The following DDX25 variants were observed in gnomAD, a reference collection of about 807,000 sequenced individuals.
DDX25 encodes the protein ATP-dependent RNA helicase DDX25.
A neutral mutation model predicts 64.6 loss-of-function variants in DDX25; 70 were observed. The observed-to-expected ratio is 1.08, with a 90% CI of 0.89 to 1.32. The LOEUF is 1.32. Among genes scored for constraint, DDX25 ranks in the 40% most tolerant of loss-of-function variants. The pLI is 0.00. For synonymous variants in DDX25, 211 were observed against 213.3 expected (o/e 0.99, Z 0.09); for missense variants, 587 against 604.4 (o/e 0.97, Z 0.30).
intron 9 of DDX25, among the ~76,000 whole-genome samples, chr11:125,918,313 G>A (rs1164962331): frequency 6.6e-6 from 1 of 152,232 alleles, no homozygotes; most frequent in African/African-American, 2.4e-5. Flanking sequence ...CTCTTAGAGT[G>A]TCTGTTGTTG....
At chr11:125,907,370 A>G (rs536560601) in intron 4 of DDX25, among the ~76,000 whole-genome samples, 9 of 152,108 alleles carry the variant, frequency 5.9e-5, no homozygotes, top group East Asian at 1.9e-4. Context: ...GCACTTTGGG[A>G]GGCCAAGGGG....
intron 4 of DDX25, among the ~76,000 whole-genome samples, chr11:125,907,584 G>A (rs975654150): frequency 6.6e-6 from 1 of 151,868 alleles, no homozygotes; most frequent in Non-Finnish European, 1.5e-5. Flanking sequence ...CTCCAGCCTG[G>A]GCGACAGAGC....
At chr11:125,907,371 G>A (rs1380328952) in intron 4 of DDX25, among the ~76,000 whole-genome samples, 2 of 152,172 alleles carry the variant, frequency 1.3e-5, no homozygotes, top group Non-Finnish European at 2.9e-5. Flanking sequence ...CACTTTGGGA[G>A]GCCAAGGGGG....
At chr11:125,916,252 A>G (rs934635786) in intron 8 of DDX25, among the ~76,000 whole-genome samples, 5 of 152,238 alleles carry the variant, frequency 3.3e-5, no homozygotes, top group Non-Finnish European at 7.3e-5. Context: ...TATGAAATAT[A>G]TACAGAGAAA....
chr11:125,919,263 G>A (rs964886917), intron 10 of DDX25, among the ~76,000 whole-genome samples: 9 of 152,178 alleles, frequency 5.9e-5, no homozygotes, highest in South Asian at 2.1e-4. Flanking sequence ...TCATGTGCAG[G>A]TCTGTATTTA....
intron 11 of DDX25, 41 bp from the exon 12 acceptor site, chr11:125,922,779 C>A: frequency 6.5e-7 from 1 of 1,546,160 alleles, no homozygotes; most frequent in Non-Finnish European, 8.8e-7. Flanking sequence ...TCCATTTAGA[C>A]CCTGACATGA....
chr11:125,914,906 C>G (rs917601082), intron 8 of DDX25, among the ~76,000 whole-genome samples: 7 of 152,118 alleles, frequency 4.6e-5, no homozygotes, highest in African/African-American at 1.4e-4. Context: ...CCACACCCAG[C>G]TAATTTTTGT....
At chr11:125,908,836 T>C (rs1369354794) in intron 6 of DDX25, among the ~76,000 whole-genome samples, 4 of 152,200 alleles carry the variant, frequency 2.6e-5, no homozygotes, top group African/African-American at 9.7e-5. Context: ...TAAATCCTAA[T>C]ACCTAGCACA....
chr11:125,906,440 C>G (rs182329235), intron 4 of DDX25, among the ~76,000 whole-genome samples: 1 of 151,888 alleles, frequency 6.6e-6, no homozygotes, highest in Admixed American at 6.6e-5. Context: ...CTCAGCCTCC[C>G]GAGTAGCTGG....
At chr11:125,904,940 T>C (rs1268839534) in intron 1 of DDX25, among the ~76,000 whole-genome samples, 1 of 152,150 alleles carries the variant, frequency 6.6e-6, no homozygotes, top group African/African-American at 2.4e-5. Flanking sequence ...CCTCCCCTTG[T>C]TGGTGCCGTG....
intron 1 of DDX25, chr11:125,904,905 T>C: frequency 1.8e-6 from 1 of 547,466 alleles, no homozygotes. Flanking sequence ...CTTCCATCCA[T>C]TTGCCAGCGC....
chr11:125,906,318 A>AGT lies in DDX25; in HGVS notation c.311+109_311+110insGT, dbSNP rs1555104434. On this transcript the variant is annotated intron_variant, in intron 4 of 11. Transcript: ENST00000263576. ...ATCTCCTCTTTGTTTTCTGATATTC[A>AGT]ATATTTTTTTTTGTTATTTGAGACA... 1.8e-5 allele frequency: 21 copies of AGT among 1,168,866 alleles called. 1 individual carries two copies. The South Asian group carries it at 2.4e-4, about 14-fold the overall frequency. 72.4% of individuals were successfully genotyped at this position (1,168,866 alleles called of 1,614,324 possible).
At chr11:125,914,502 A>C (rs935613076) in intron 8 of DDX25, among the ~76,000 whole-genome samples, 6 of 152,178 alleles carry the variant, frequency 3.9e-5, no homozygotes, top group African/African-American at 1.4e-4. Context: ...CAAATCTGGA[A>C]TTTCTGCACA....
chr11:125,916,518 T>C (rs956137992), intron 8 of DDX25, among the ~76,000 whole-genome samples: 2 of 152,224 alleles, frequency 1.3e-5, no homozygotes, highest in African/African-American at 2.4e-5. Flanking sequence ...TGGGTACATT[T>C]CAGTCACTGT....
chr11:125,906,639 G>A (rs554035922), intron 4 of DDX25, among the ~76,000 whole-genome samples: 3 of 151,790 alleles, frequency 2.0e-5, no homozygotes, highest in South Asian at 2.1e-4. Flanking sequence ...CAGCCTGGCC[G>A]ACATGGGAAA....
At chr11:125,911,288 G>A in intron 7 of DDX25, 23 bp from the exon 8 acceptor site, 1 of 1,595,360 alleles carries the variant, frequency 6.3e-7, no homozygotes, top group Non-Finnish European at 8.5e-7. Flanking sequence ...CTGAAGGAGT[G>A]CTTAAAACCC....
chr11:125,916,989 G>T, intron 8 of DDX25, 25 bp from the exon 9 acceptor site: 2 of 1,562,204 alleles, frequency 1.3e-6, no homozygotes, highest in South Asian at 2.4e-5. Context: ...GCAGCTTGGT[G>T]ACAGCCTTCT....
At chr11:125,905,301 A>T (rs920405231) in intron 2 of DDX25, 23 bp downstream of exon 2, 1 of 1,550,828 alleles carries the variant, frequency 6.4e-7, no homozygotes, top group African/African-American at 1.4e-5. Flanking sequence ...AGGGCAAAGC[A>T]GAGCGACCTC....
At chr11:125,909,315 G>T (rs1435684505) in intron 6 of DDX25, among the ~76,000 whole-genome samples, 1 of 152,124 alleles carries the variant, frequency 6.6e-6, no homozygotes, top group Non-Finnish European at 1.5e-5. Flanking sequence ...TATGTTTAGG[G>T]TTTGATATTA....
Sources: allele counts gnomAD v4.1 joint callset (sites outside exome capture counted in the v4.1 genomes callset), GRCh38; gene constraint gnomAD v4.1.1; transcripts MANE v1.5; gene names NCBI Gene and HGNC (gene_info 2026-07-23, HGNC 2026-07-21).